Variants in RTN3 observed in about 807,000 individuals in gnomAD.
RTN3 encodes reticulon-3.
In RTN3, 49 loss-of-function variants were observed where a neutral mutation model predicts 77.8. That is an observed-to-expected ratio of 0.63 (90% CI 0.50 to 0.80). The LOEUF is 0.80. RTN3 is among the 30% of genes least tolerant of loss of function. The probability of loss-of-function intolerance (pLI) is 0.00; values close to 1 mark genes in which losing one functional copy is unlikely to be tolerated. For synonymous variants in RTN3, 464 were observed against 446.9 expected, an observed-to-expected ratio of 1.04 and a Z score of -0.48; for missense variants, 1,236 against 1,211.9, an observed-to-expected ratio of 1.02 and a Z score of -0.29.
At chr11:63,741,210 TTTA>T (rs1490021892) in intron 3 of RTN3, among the ~76,000 whole-genome samples, 10 of 138,244 alleles carry the variant, frequency 7.2e-5, no homozygotes, top group South Asian at 2.3e-4. Context: ...TATTTATTTA[TTTA>T]TTTTTTGAGA....
chr11:63,684,040 C>T (rs1190338577), intron 1 of RTN3, among the ~76,000 whole-genome samples: 1 of 134,820 alleles, frequency 7.4e-6, no homozygotes, highest in Non-Finnish European at 1.5e-5. Flanking sequence ...CAACCTCCAT[C>T]TCCGGGGTTC....
chr11:63,712,921 C>T (rs111971061), intron 2 of RTN3, among the ~76,000 whole-genome samples: 1,699 of 152,166 alleles, frequency 0.011, 32 homozygotes, highest in African/African-American at 0.037. Flanking sequence ...CGTGGAGAAA[C>T]TCCGTCTCTA....
At chr11:63,734,864 TTC>T (rs1261949738) in intron 3 of RTN3, among the ~76,000 whole-genome samples, 1 of 151,822 alleles carries the variant, frequency 6.6e-6, no homozygotes. Flanking sequence ...AAGTTAAACT[TTC>T]TTCATTTGCA....
At chr11:63,705,695 A>T (rs1054334627) in intron 2 of RTN3, among the ~76,000 whole-genome samples, 2 of 152,372 alleles carry the variant, frequency 1.3e-5, no homozygotes, top group East Asian at 1.9e-4. Flanking sequence ...AAGCTAGGCT[A>T]GTTCCAAATT....
intron 1 of RTN3, among the ~76,000 whole-genome samples, chr11:63,695,654 A>G (rs1421080674): frequency 6.6e-6 from 1 of 152,236 alleles, no homozygotes; most frequent in Non-Finnish European, 1.5e-5. Context: ...TCTTCCCGAA[A>G]AGCCATCACT....
chr11:63,737,117 C>T (rs866594749), intron 3 of RTN3, among the ~76,000 whole-genome samples: 6 of 152,050 alleles, frequency 3.9e-5, no homozygotes, highest in Middle Eastern at 3.4e-3. Context: ...TACGGGTATA[C>T]GCCGCCATGC....
At chr11:63,751,475 T>C (rs1445286391) in intron 4 of RTN3, among the ~76,000 whole-genome samples, 1 of 152,246 alleles carries the variant, frequency 6.6e-6, no homozygotes. Flanking sequence ...CTTTAACTAA[T>C]GTTTTCTTCA....
At chr11:63,724,364 T>A (rs189630705) in intron 3 of RTN3, among the ~76,000 whole-genome samples, 2 of 143,300 alleles carry the variant, frequency 1.4e-5, no homozygotes, top group Non-Finnish European at 3.1e-5. Context: ...TTGTATTTTT[T>A]AGTACAGACG....
chr11:63,746,521 T>G (rs533506777), intron 3 of RTN3, among the ~76,000 whole-genome samples: 4 of 144,660 alleles, frequency 2.8e-5, no homozygotes, highest in African/African-American at 5.0e-5. Flanking sequence ...TTGTTTTTTG[T>G]TTTTTTTTTT....
At chr11:63,703,690 C>T (rs1427590350) in intron 1 of RTN3, among the ~76,000 whole-genome samples, 2 of 151,616 alleles carry the variant, frequency 1.3e-5, no homozygotes, top group African/African-American at 4.8e-5. Flanking sequence ...CTACAGGCGC[C>T]CGCCACCACG....
chr11:63,702,346 G>A (rs1171512013), intron 1 of RTN3, among the ~76,000 whole-genome samples: 3 of 148,674 alleles, frequency 2.0e-5, no homozygotes, highest in Non-Finnish European at 3.0e-5. Flanking sequence ...ACAGAGTCTC[G>A]CCCTGTCGCC....
At chr11:63,688,685 CAG>C (rs1433138999) in intron 1 of RTN3, among the ~76,000 whole-genome samples, 3 of 152,238 alleles carry the variant, frequency 2.0e-5, no homozygotes, top group East Asian at 3.9e-4. Flanking sequence ...GTAAGAACCT[CAG>C]TGTTTTTATT....
At chr11:63,750,318 T>C in intron 4 of RTN3, 120 bp downstream of exon 4, 2 of 819,862 alleles carry the variant, frequency 2.4e-6, no homozygotes, top group Non-Finnish European at 3.8e-6. Flanking sequence ...TGCAGCTGAT[T>C]GGTGGCATGA....
At chr11:63,726,876 A>G (rs916013601) in intron 3 of RTN3, among the ~76,000 whole-genome samples, 26 of 67,992 alleles carry the variant, frequency 3.8e-4, no homozygotes, top group East Asian at 5.2e-3. Context: ...AAAAAAAAAA[A>G]AAGAAGAAGT....
intron 1 of RTN3, among the ~76,000 whole-genome samples, chr11:63,697,032 C>T (rs1047781971): frequency 6.6e-6 from 1 of 151,302 alleles, no homozygotes; most frequent in Non-Finnish European, 1.5e-5. Context: ...CTACAGACGC[C>T]TGCCACCATA....
chr11:63,723,952 A>G (rs2134926389), intron 3 of RTN3, among the ~76,000 whole-genome samples: 1 of 152,264 alleles, frequency 6.6e-6, no homozygotes, highest in Admixed American at 6.5e-5. Context: ...TTAAGTTATG[A>G]TAGACTCTCA....
At chr11:63,715,982 A>T (rs1286061956) in intron 2 of RTN3, among the ~76,000 whole-genome samples, 1 of 152,224 alleles carries the variant, frequency 6.6e-6, no homozygotes, top group African/African-American at 2.4e-5. Flanking sequence ...ATACTGTATA[A>T]TGGTAGATGC....
rs1406538649 is a variant in RTN3 at position 63,683,916 on chromosome 11, GTTATTTC to G, written c.142+2141_142+2147del. 5.0e-5 allele frequency among the ~76,000 whole-genome samples: 6 copies of G among 120,184 alleles called. No homozygotes were observed. In the South Asian group the frequency reaches 7.8e-4, roughly 16 times the overall value. The allele number at this position is 120,184 out of a possible 152,430, so 78.8% of individuals were successfully genotyped here. On this transcript the variant is annotated intron_variant, in intron 1 of 8. Coordinates refer to ENST00000377819, the MANE Select transcript of RTN3 (RefSeq NM_001265589.2). ...ATATTAAATGCCGCGGTTTCCACTC[GTTATTTC>G]TTTCTCTTTTCTTTTCTTTCTTTTT...
At chr11:63,742,775 T>C (rs1283369555) in intron 3 of RTN3, among the ~76,000 whole-genome samples, 1 of 152,234 alleles carries the variant, frequency 6.6e-6, no homozygotes, top group Non-Finnish European at 1.5e-5. Context: ...AATTTAGATC[T>C]TTGTTGGTTT....
Sources: allele counts gnomAD v4.1 joint callset (sites outside exome capture counted in the v4.1 genomes callset), GRCh38; gene constraint gnomAD v4.1.1; transcripts MANE v1.5; gene names NCBI Gene and HGNC (gene_info 2026-07-23, HGNC 2026-07-21).